The following SPRED2 variants were observed in gnomAD, a reference collection of about 807,000 sequenced individuals.
The protein encoded by SPRED2 is sprouty related EVH1 domain containing 2.
A neutral mutation model predicts 43.0 loss-of-function variants in SPRED2; 47 were observed. That is an observed-to-expected ratio of 1.09 (90% CI 0.87 to 1.40). The LOEUF (loss-of-function observed/expected upper bound fraction) is 1.40, where lower values mean the gene tolerates loss of function less well. Ranked by LOEUF, SPRED2 falls within the 40% of genes most tolerant of loss-of-function variation. SPRED2 has a pLI of 0.00. For synonymous variants in SPRED2, 225 were observed against 225.7 expected, an observed-to-expected ratio of 1.00 and a Z score of 0.03; for missense variants, 561 against 586.4, an observed-to-expected ratio of 0.96 and a Z score of 0.45.
chr2:65,412,020 C>G (rs1171085281), intron 1 of SPRED2, among the ~76,000 whole-genome samples: 1 of 151,366 alleles, frequency 6.6e-6, no homozygotes, highest in African/African-American at 2.4e-5. Flanking sequence ...CCCAGCTACC[C>G]AGGAGGCTGA....
intron 1 of SPRED2, among the ~76,000 whole-genome samples, chr2:65,351,310 G>C (rs1674504908): frequency 6.6e-6 from 1 of 152,206 alleles, no homozygotes. Flanking sequence ...CGCCATCTGT[G>C]AACTGGCCCT....
In SPRED2 at chr2:65,417,960, T is replaced by C. The variant is rs548862511; in HGVS notation, c.26+14002A>G. Among the ~76,000 whole-genome samples, 4 of 152,362 alleles carry C rather than the reference T, an allele frequency of 2.6e-5. No homozygotes were observed. The East Asian group carries it at 7.7e-4, about 29-fold the overall frequency. ...GGTTAATTCTAGGCTGTATGTCTGA[T>C]TTACAAAATAAGTTGGCTAATTTTG... On this transcript the variant is annotated intron_variant, in intron 1 of 5. Transcript: ENST00000356388.
Position 65,316,870 on chromosome 2 carries a change from C to A in SPRED2, c.452G>T (p.Ser151Ile). Reference protein sequence around the residue: ...DDDVFTTATDSSSNSSQKREQ... With the variant: ...DDDVFTTATDISSNSSQKREQ... ...TCTCTTCTGAGAGGAATTAGAAGAA[C>A]TGTCTGTAGCTGTCTGTGTAGAGGG... is the stretch of plus-strand genomic sequence containing the variant. The change falls in exon 5 of 6, where the codon AGT (serine) becomes ATT (isoleucine). Residue 151 changes from serine (S) to isoleucine (I), a missense_variant. Ser to Ile is a moderately radical substitution (Grantham distance 142). Transcript: ENST00000356388. 6.2e-7 allele frequency: 1 copy of A among 1,613,726 alleles called. No homozygotes were observed. The highest frequency in any genetic ancestry group is 8.5e-7 in the Non-Finnish European group (1 of 1,179,930).
At chr2:65,426,914 C>A (rs548011015) in intron 1 of SPRED2, among the ~76,000 whole-genome samples, 16 of 152,324 alleles carry the variant, frequency 1.1e-4, no homozygotes, top group African/African-American at 3.8e-4. Context: ...TGGAAACAAA[C>A]CCAGACCACA....
At chr2:65,335,325 G>C (rs1463787711) in intron 2 of SPRED2, among the ~76,000 whole-genome samples, 1 of 151,930 alleles carries the variant, frequency 6.6e-6, no homozygotes, top group Non-Finnish European at 1.5e-5. Context: ...TCCTTCAACA[G>C]CTTTTATATC....
chr2:65,375,143 G>A (rs1374777692), intron 1 of SPRED2, among the ~76,000 whole-genome samples: 1 of 152,218 alleles, frequency 6.6e-6, no homozygotes, highest in Non-Finnish European at 1.5e-5. Context: ...AGACTTGGGG[G>A]CCCCTGCCCA....
intron 1 of SPRED2, among the ~76,000 whole-genome samples, chr2:65,358,777 A>C (rs1202811711): frequency 1.3e-5 from 2 of 152,234 alleles, no homozygotes; most frequent in Admixed American, 6.5e-5. Context: ...ACGAAAGCCC[A>C]ATCAACGTGG....
intron 1 of SPRED2, among the ~76,000 whole-genome samples, chr2:65,412,837 T>G (rs952078828): frequency 1.3e-5 from 2 of 152,212 alleles, no homozygotes; most frequent in African/African-American, 4.8e-5. Flanking sequence ...GAAGATGGAT[T>G]TGAAGTTTCC....
chr2:65,370,402 C>T (rs569276006), intron 1 of SPRED2, among the ~76,000 whole-genome samples: 4 of 152,262 alleles, frequency 2.6e-5, no homozygotes, highest in Admixed American at 2.0e-4. Flanking sequence ...GCCACACATT[C>T]GAGTGTTTAT....
rs1202902346 is a variant in SPRED2, at chr2:65,432,005, C to A, written c.-18G>T. 7 of 1,613,764 alleles carry A rather than the reference C, an allele frequency of 4.3e-6. No homozygotes were observed. The Admixed American group carries it at 1.0e-4, about 23-fold the overall frequency. The stretch of plus-strand genomic sequence containing the variant: ...TCGGTCATTTTCTTGTTCACCTAGA[C>A]GCCTGTCCCGCGGCGGGCAGCTTTG... On this transcript the variant is annotated 5_prime_UTR_variant, in exon 1 of 6. Coordinates refer to ENST00000356388, the MANE Select transcript of SPRED2 (RefSeq NM_181784.3).
chr2:65,406,125 AC>A (rs1676018392), intron 1 of SPRED2, among the ~76,000 whole-genome samples: 2 of 152,108 alleles, frequency 1.3e-5, no homozygotes, highest in African/African-American at 4.8e-5. Flanking sequence ...TGGTGATGAC[AC>A]TTCTTTGGGC....
At chr2:65,384,213 G>A (rs780780619) in intron 1 of SPRED2, among the ~76,000 whole-genome samples, 9 of 152,000 alleles carry the variant, frequency 5.9e-5, no homozygotes, top group South Asian at 2.1e-4. Flanking sequence ...CTATCCCAGC[G>A]TGGTGTTATC....
At chr2:65,315,902 C>T (rs996591179) in intron 5 of SPRED2, among the ~76,000 whole-genome samples, 1 of 152,250 alleles carries the variant, frequency 6.6e-6, no homozygotes, top group Non-Finnish European at 1.5e-5. Context: ...TTGTGATCCA[C>T]CTGCCTCGGC....
At chr2:65,420,002 G>A (rs935607675) in intron 1 of SPRED2, among the ~76,000 whole-genome samples, 1 of 152,060 alleles carries the variant, frequency 6.6e-6, no homozygotes, top group African/African-American at 2.4e-5. Flanking sequence ...TTGAGGTCAG[G>A]AGTTCGAGAC....
chr2:65,326,225 C>T (rs1214556249), intron 4 of SPRED2, among the ~76,000 whole-genome samples: 1 of 152,080 alleles, frequency 6.6e-6, no homozygotes, highest in East Asian at 1.9e-4. Flanking sequence ...CTCCCCCCAC[C>T]CCGTATATAA....
chr2:65,355,418 T>A (rs1212177744), intron 1 of SPRED2, among the ~76,000 whole-genome samples: 2 of 152,156 alleles, frequency 1.3e-5, no homozygotes, highest in Admixed American at 1.3e-4. Flanking sequence ...TAAACTACTT[T>A]AAAAAATAAA....
At position 65,376,749 on chromosome 2, in the gene SPRED2, C is replaced by G. The variant is rs1352335301; in HGVS notation, c.27-31853G>C. Among the ~76,000 whole-genome samples, 4 of 152,292 alleles carry G rather than the reference C, an allele frequency of 2.6e-5. No individual in the cohort carries two copies. In the South Asian group the frequency reaches 8.3e-4, roughly 32 times the overall value. The stretch of plus-strand genomic sequence containing the variant: ...TTTTTTTTTGAGATGGAGTCTCACT[C>G]TGTTGCCCAGTCTGGAGTGCAGTGG... On this transcript the variant is annotated intron_variant, in intron 1 of 5. Transcript: ENST00000356388.
intron 1 of SPRED2, among the ~76,000 whole-genome samples, chr2:65,365,697 C>T (rs1419329255): frequency 6.6e-6 from 1 of 152,186 alleles, no homozygotes; most frequent in African/African-American, 2.4e-5. Context: ...CTGCTATAAA[C>T]TAACTATAGC....
chr2:65,357,385 T>C (rs1429519822), intron 1 of SPRED2, among the ~76,000 whole-genome samples: 1 of 152,174 alleles, frequency 6.6e-6, no homozygotes, highest in African/African-American at 2.4e-5. Context: ...TCTTAAGCTA[T>C]TCATACAAAG....
Sources: gnomAD v4.1 joint callset for allele counts (sites outside exome capture counted in the v4.1 genomes callset) on GRCh38, gnomAD v4.1.1 for gene constraint, MANE v1.5 for transcripts, NCBI Gene and HGNC (gene_info 2026-07-23, HGNC 2026-07-21) for gene names.